Variants in NDST4 observed in about 807,000 individuals in gnomAD.
The protein encoded by NDST4 is N-deacetylase and N-sulfotransferase 4, also known as N-heparan sulfate sulfotransferase 4.
Under a neutral mutation model 100.8 loss-of-function variants are expected in NDST4, and 63 were observed. The observed-to-expected ratio is 0.62, with a 90% CI of 0.51 to 0.77. The LOEUF (loss-of-function observed/expected upper bound fraction) is 0.77. Among genes scored for constraint, NDST4 ranks in the 30% least tolerant of loss-of-function variants. The pLI is 0.00. For missense variants in NDST4, 943 were observed against 1,018.4 expected, an observed-to-expected ratio of 0.93 and a Z score of 1.01; for synonymous variants, 377 against 361.8, an observed-to-expected ratio of 1.04 and a Z score of -0.48.
At chr4:114,908,269 C>G (rs1256399800) in intron 6 of NDST4, among the ~76,000 whole-genome samples, 1 of 152,016 alleles carries the variant, frequency 6.6e-6, no homozygotes, top group African/African-American at 2.4e-5. Flanking sequence ...AAAGTACTTT[C>G]TAGTACTTTA....
chr4:115,049,320 C>T (rs577477175), intron 2 of NDST4, among the ~76,000 whole-genome samples: 59 of 151,854 alleles, frequency 3.9e-4, no homozygotes, highest in South Asian at 1.5e-3. Flanking sequence ...GTCAGGATCT[C>T]GGGTGCCTTC....
chr4:114,962,197 A>G (rs989901795), intron 4 of NDST4, among the ~76,000 whole-genome samples: 3 of 152,118 alleles, frequency 2.0e-5, no homozygotes, highest in Admixed American at 6.5e-5. Context: ...TACAGCTAAC[A>G]TCATGCCTAA....
chr4:115,058,251 A>G (rs1184596193), intron 2 of NDST4, among the ~76,000 whole-genome samples: 1 of 152,158 alleles, frequency 6.6e-6, no homozygotes, highest in African/African-American at 2.4e-5. Context: ...GTGACTTTTT[A>G]AAAATTCCTT....
chr4:114,845,798 T>C lies in NDST4; in HGVS notation c.2115+25A>G, dbSNP rs200004349. 2,492 of 1,584,466 alleles carry C rather than the reference T, an allele frequency of 1.6e-3. 6 individuals carry two copies. Among genetic ancestry groups the C allele is most frequent in the Non-Finnish European group, 1.5e-3 (1,792 of 1,160,042 alleles). On this transcript the variant is annotated intron_variant, in intron 10 of 13. Coordinates refer to ENST00000264363, the MANE Select transcript of NDST4 (RefSeq NM_022569.3). ...CATTTAAGCTATAACAAAATGCTTT[T>C]AGCCGATTTTTTTACTGACCATACC... is the stretch of plus-strand genomic sequence containing the variant.
chr4:115,041,797 C>G (rs1560577396), intron 2 of NDST4, among the ~76,000 whole-genome samples: 1 of 152,080 alleles, frequency 6.6e-6, no homozygotes, highest in East Asian at 1.9e-4. Flanking sequence ...TAAGTTTTCT[C>G]AACATACATT....
intron 2 of NDST4, among the ~76,000 whole-genome samples, chr4:115,015,192 C>T (rs1214270461): frequency 1.3e-5 from 2 of 152,028 alleles, no homozygotes; most frequent in Non-Finnish European, 2.9e-5. Flanking sequence ...ATATGAGGAC[C>T]ATGGACATTT....
At chr4:114,989,105 A>C (rs948141172) in intron 2 of NDST4, among the ~76,000 whole-genome samples, 4 of 152,176 alleles carry the variant, frequency 2.6e-5, no homozygotes, top group African/African-American at 7.2e-5. Context: ...TTTATAACAA[A>C]GTAGGTGACA....
intron 2 of NDST4, among the ~76,000 whole-genome samples, chr4:115,052,508 G>T (rs1728603492): frequency 6.6e-6 from 1 of 152,002 alleles, no homozygotes; most frequent in African/African-American, 2.4e-5. Flanking sequence ...AATCATGGGG[G>T]CGAGTCTTCC....
chr4:115,031,764 T>C (rs1012171715), intron 2 of NDST4, among the ~76,000 whole-genome samples: 1 of 152,106 alleles, frequency 6.6e-6, no homozygotes, highest in African/African-American at 2.4e-5. Context: ...TAGATTTTTT[T>C]CTTCCCTTTT....
At chr4:114,943,382 G>T (rs1725793830) in intron 4 of NDST4, among the ~76,000 whole-genome samples, 1 of 151,944 alleles carries the variant, frequency 6.6e-6, no homozygotes, top group South Asian at 2.1e-4. Flanking sequence ...TCATCCAATG[G>T]TTCCTTGCTG....
intron 2 of NDST4, among the ~76,000 whole-genome samples, chr4:115,001,468 T>G (rs1158203542): frequency 6.6e-6 from 1 of 152,008 alleles, no homozygotes; most frequent in Non-Finnish European, 1.5e-5. Context: ...TTCATGGGTT[T>G]TTTTTTCCTG....
At chr4:114,945,436 A>G (rs956117547) in intron 4 of NDST4, among the ~76,000 whole-genome samples, 2 of 152,136 alleles carry the variant, frequency 1.3e-5, no homozygotes, top group Non-Finnish European at 2.9e-5. Context: ...CCAGCCCACA[A>G]TATATTTGAG....
At chr4:115,015,369 T>C (rs919506811) in intron 2 of NDST4, among the ~76,000 whole-genome samples, 1 of 152,078 alleles carries the variant, frequency 6.6e-6, no homozygotes, top group Non-Finnish European at 1.5e-5. Flanking sequence ...CCTTAAAAGA[T>C]AGTGGTGAAG....
At chr4:114,905,811 C>T (rs532930171) in intron 6 of NDST4, among the ~76,000 whole-genome samples, 1 of 152,036 alleles carries the variant, frequency 6.6e-6, no homozygotes, top group East Asian at 1.9e-4. Flanking sequence ...AATTTTGTAT[C>T]AGCTGTTTTT....
chr4:114,895,046 A>G (rs915760085), intron 6 of NDST4, among the ~76,000 whole-genome samples: 6 of 152,184 alleles, frequency 3.9e-5, no homozygotes, highest in Admixed American at 6.6e-5. Context: ...GAAAGCTCTC[A>G]AATCAATACC....
chr4:115,001,891 G>A (rs566775536), intron 2 of NDST4, among the ~76,000 whole-genome samples: 1 of 152,290 alleles, frequency 6.6e-6, no homozygotes, highest in South Asian at 2.1e-4. Flanking sequence ...AGGCAGCATG[G>A]TAAATATGTA....
rs77449074 is a variant in NDST4, at chr4:115,063,884, C to T, written c.978+12175G>A. Reference sequence around the variant, plus strand: ...ACTTCTTAATACTTTCTTTTCCTCACATAGACAATTGCTACAACTTGACTA... The same window carrying T: ...ACTTCTTAATACTTTCTTTTCCTCATATAGACAATTGCTACAACTTGACTA... On this transcript the variant is annotated intron_variant, in intron 2 of 13. Coordinates refer to ENST00000264363, the MANE Select transcript of NDST4 (RefSeq NM_022569.3). Among the ~76,000 whole-genome samples the T allele has an allele frequency of 8.2e-3, 1,247 of 151,908 alleles. 20 individuals are homozygous for T. Among genetic ancestry groups the T allele is most frequent in the African/African-American group, 0.028 (1,162 of 41,472 alleles).
intron 12 of NDST4, among the ~76,000 whole-genome samples, chr4:114,831,958 GT>G (rs1309493289): frequency 1.3e-5 from 2 of 151,716 alleles, no homozygotes; most frequent in African/African-American, 2.4e-5. Flanking sequence ...TGTGGTTTGA[GT>G]TTTTTTTATT....
chr4:114,867,665 C>CAAAAAAAAAAAAAAAAAAAAAAAAAGAA, intron 7 of NDST4, among the ~76,000 whole-genome samples: 1 of 79,900 alleles, frequency 1.3e-5, no homozygotes. Context: ...AAAAAAAAAG[C>CAAAAAAAAAAAAAAAAAAAAAAAAAGAA]AAAAAAAAAA....
Sources: allele counts gnomAD v4.1 joint callset (sites outside exome capture counted in the v4.1 genomes callset), GRCh38; gene constraint gnomAD v4.1.1; transcripts MANE v1.5; gene names NCBI Gene and HGNC (gene_info 2026-07-23, HGNC 2026-07-21).